Variants in PRRC2B observed in about 807,000 individuals in gnomAD.
PRRC2B encodes protein PRRC2B.
A neutral mutation model predicts 242.3 loss-of-function variants in PRRC2B; 68 were observed. That is an observed-to-expected ratio of 0.28 (90% CI 0.23 to 0.34). The LOEUF (loss-of-function observed/expected upper bound fraction) is 0.34, where lower values mean the gene tolerates loss of function less well. Among genes scored for constraint, PRRC2B ranks in the 10% least tolerant of loss-of-function variants. PRRC2B has a pLI of 1.00. For synonymous variants in PRRC2B, 1,228 were observed against 1,173.6 expected (o/e 1.05, Z -0.95); for missense variants, 2,835 against 2,954.8 (o/e 0.96, Z 0.94).
intron 15 of PRRC2B, among the ~76,000 whole-genome samples, chr9:131,474,188 C>G (rs879590334): frequency 2.0e-5 from 3 of 152,256 alleles, no homozygotes; most frequent in Admixed American, 1.3e-4. Context: ...CCTGCGGCCA[C>G]GACAGTCTTC....
rs373276508 is a variant in PRRC2B, at chr9:131,444,170, C to T, written c.470-15C>T. On this transcript the variant is annotated splice_polypyrimidine_tract_variant and intron_variant, in intron 5 of 31. Transcript: ENST00000683519. ...CCATCTCACTTCCTCCATGTCTACC[C>T]CGTCTTCTTGACAGGTTTAAGGGGC... 1.9e-6 allele frequency: 3 copies of T among 1,613,878 alleles called. No individual in the cohort carries two copies. The highest frequency in any genetic ancestry group is 2.2e-5 in the South Asian group (2 of 91,072).
In PRRC2B at chr9:131,446,528, C is replaced by T. The variant is rs1838806271; in HGVS notation, c.741C>T (p.Thr247=). ...ATGGAGCCCCCTCCTCGGCATGTAC[C>T]AGCGATTCTAAGGACCCCTCTCTCC... ...TGDGAPSSAC[T]SDSKDPSLRP... is the part of the protein sequence containing the mutation. The change falls in exon 7 of 32, where the codon ACC becomes ACT. Residue 247 remains threonine (T), a synonymous_variant. Transcript: ENST00000683519. This position sits in a 1 kb window ranked among gnomAD's most constrained non-coding sequence, Gnocchi z 4.1. 1 of 1,613,898 alleles carries T rather than the reference C, an allele frequency of 6.2e-7. No individual in the cohort carries two copies. The highest frequency in any genetic ancestry group is 8.5e-7 in the Non-Finnish European group (1 of 1,179,862).
In PRRC2B at chr9:131,465,307, A is replaced by G. The variant is rs1450787757; in HGVS notation, c.1720+229A>G. Among the ~76,000 whole-genome samples the G allele has an allele frequency of 6.6e-6, 1 of 152,148 alleles. No homozygotes were observed. Among genetic ancestry groups the G allele is most frequent in the Non-Finnish European group, 1.5e-5 (1 of 68,028 alleles). On this transcript the variant is annotated intron_variant, in intron 12 of 31. Transcript: ENST00000683519. The stretch of plus-strand genomic sequence containing the variant: ...CTTTTACTTTAGTTTCAGGGGGTAC[A>G]TTGTGTGATGCTGAGATTTGGGGTA...
Position 131,432,619 on chromosome 9 carries a change from A to C in PRRC2B, c.118A>C (p.Ile40Leu), listed in dbSNP as rs1023269310. The C allele has an allele frequency of 3.7e-6, 6 of 1,613,400 alleles. No individual in the cohort carries two copies. The African/African-American group carries it at 8.0e-5, about 22-fold the overall frequency. The change falls in exon 3 of 32, where the codon ATT (isoleucine) becomes CTT (leucine). Residue 40 changes from isoleucine (I) to leucine (L), a missense_variant and splice_region_variant. Ile to Leu is a conservative substitution (Grantham distance 5, BLOSUM62 2). Transcript: ENST00000683519. The stretch of plus-strand genomic sequence containing the variant: ...GTTCCATGTCCCTCTCCCTGCAGTT[A>C]TTCCTAGACATGGCTTACAGAGTCT... The part of the protein sequence containing the change: ...KSVDAIRSSV[I>L]PRHGLQSLGK...
At chr9:131,486,394 ACT>A (rs1371597276) in intron 26 of PRRC2B, 2 of 710,250 alleles carry the variant, frequency 2.8e-6, no homozygotes, top group East Asian at 2.7e-4. Context: ...GCTGCTCCAG[ACT>A]CTGCTTAGTT....
Position 131,476,207 on chromosome 9 carries a change from G to A in PRRC2B, c.4078G>A (p.Glu1360Lys), listed in dbSNP as rs1329004550. 3.1e-6 allele frequency: 5 copies of A among 1,613,560 alleles called. No individual in the cohort carries two copies. Among genetic ancestry groups the A allele is most frequent in the Non-Finnish European group, 3.4e-6 (4 of 1,179,828 alleles). The change falls in exon 16 of 32, where the codon GAG (glutamate) becomes AAG (lysine). Residue 1360 changes from glutamate to lysine, a missense_variant. Physicochemically the swap from Glu to Lys is moderately conservative, Grantham distance 56. Transcript: ENST00000683519. ...TGGCACTGTGGGCCGCAGGTCCCCT[G>A]AGCTCTCCTACCAGAACTCCTCCGA... is the stretch of plus-strand genomic sequence containing the variant. The part of the protein sequence containing the change: ...KSGTVGRRSP[E>K]LSYQNSSDHA...
At chr9:131,423,613 C>T (rs1462322489) in intron 1 of PRRC2B, among the ~76,000 whole-genome samples, 1 of 152,232 alleles carries the variant, frequency 6.6e-6, no homozygotes, top group Non-Finnish European at 1.5e-5. Flanking sequence ...GATCTCCTGA[C>T]TGCCGTAAAG....
chr9:131,426,046 C>T (rs1034821334), intron 1 of PRRC2B, among the ~76,000 whole-genome samples: 6 of 151,410 alleles, frequency 4.0e-5, no homozygotes, highest in Non-Finnish European at 8.8e-5. Context: ...TTTAAGAAAT[C>T]ATTCGATGTT....
intron 1 of PRRC2B, among the ~76,000 whole-genome samples, chr9:131,402,495 G>A (rs1383438212): frequency 6.6e-6 from 1 of 152,248 alleles, no homozygotes; most frequent in East Asian, 1.9e-4. Flanking sequence ...TATTCATTCA[G>A]CGACGGGCAG....
chr9:131,415,502 G>A (rs1434294518), intron 1 of PRRC2B, among the ~76,000 whole-genome samples: 1 of 152,230 alleles, frequency 6.6e-6, no homozygotes, highest in African/African-American at 2.4e-5. Context: ...TGCTGGGTAG[G>A]CAGACAGGAG....
Position 131,429,456 on chromosome 9 carries a change from T to C in PRRC2B, c.-51-638T>C, listed in dbSNP as rs1232355609. Among the ~76,000 whole-genome samples, 6 of 152,250 alleles carry C rather than the reference T, an allele frequency of 3.9e-5. No homozygotes were observed. In the East Asian group the frequency reaches 1.2e-3, roughly 29 times the overall value. On this transcript the variant is annotated intron_variant, in intron 1 of 31. Coordinates refer to ENST00000683519, the MANE Select transcript of PRRC2B (RefSeq NM_013318.4). ...CATGTGGTCTCTCCCTTGCTAGCCCTGGGGAGTTCTTGCTTTCTGTTTTCC... is the reference window on the plus strand; with the variant it reads ...CATGTGGTCTCTCCCTTGCTAGCCCCGGGGAGTTCTTGCTTTCTGTTTTCC...
intron 9 of PRRC2B, among the ~76,000 whole-genome samples, chr9:131,449,763 T>G (rs1942851961): frequency 6.6e-6 from 1 of 152,168 alleles, no homozygotes; most frequent in Non-Finnish European, 1.5e-5. Context: ...CAAATTTGGG[T>G]TTTTTTGTGG....
chr9:131,394,314 A>T (rs896593712), intron 1 of PRRC2B, 51 bp downstream of exon 1: 1 of 143,676 alleles, frequency 7.0e-6, no homozygotes, highest in Non-Finnish European at 1.5e-5. Flanking sequence ...CGGCGCTAAG[A>T]TGGAGGCGGC....
At chr9:131,467,949 A>G (rs1324747972) in intron 13 of PRRC2B, among the ~76,000 whole-genome samples, 196 bp downstream of exon 13, 1 of 152,086 alleles carries the variant, frequency 6.6e-6, no homozygotes, top group East Asian at 1.9e-4. Flanking sequence ...CCTGGCCATT[A>G]TTTATTTCTC....
At chr9:131,460,784 C>G (rs1382709515) in intron 11 of PRRC2B, among the ~76,000 whole-genome samples, 1 of 152,102 alleles carries the variant, frequency 6.6e-6, no homozygotes, top group African/African-American at 2.4e-5. Flanking sequence ...CTTCATCTTT[C>G]CCGGATGCAT....
chr9:131,469,569 G>A (rs770941554), intron 13 of PRRC2B, among the ~76,000 whole-genome samples: 14 of 152,178 alleles, frequency 9.2e-5, no homozygotes, highest in Non-Finnish European at 1.5e-4. Context: ...ACTGTCCAGG[G>A]AATCAGCTCA....
rs566118156 is a variant in PRRC2B at position 131,479,116 on chromosome 9, T to C, written c.4759-136T>C. On this transcript the variant is annotated intron_variant, in intron 18 of 31. Transcript: ENST00000683519. ...GGCATCGCAGTTCTGCTTGAGGTTT[T>C]GGGAGACGAGCGTTCCACACATCTC... 5 of 847,534 alleles carry C rather than the reference T, an allele frequency of 5.9e-6. No individual in the cohort carries two copies. In the East Asian group the frequency reaches 1.3e-4, roughly 23 times the overall value. The allele number at this position is 847,534 out of a possible 1,614,324, so 52.5% of individuals were successfully genotyped here.
At chr9:131,430,060 CTT>C (rs112930686) in intron 1 of PRRC2B, 32 bp from the exon 2 acceptor site, 370 of 473,748 alleles carry the variant, frequency 7.8e-4, no homozygotes, top group South Asian at 8.8e-4. Context: ...TTTTCTCTCT[CTT>C]TTTTTTTTTT....
At chr9:131,408,476 T>A (rs1837425471) in intron 1 of PRRC2B, among the ~76,000 whole-genome samples, 1 of 152,198 alleles carries the variant, frequency 6.6e-6, no homozygotes, top group African/African-American at 2.4e-5. Context: ...ATGAGGTAGA[T>A]CACTATGTGT....
Sources: gnomAD v4.1 joint callset for allele counts (sites outside exome capture counted in the v4.1 genomes callset) on GRCh38, gnomAD v4.1.1 for gene constraint, Gnocchi (gnomAD v3.1) non-coding constraint, MANE v1.5 for transcripts, NCBI Gene and HGNC (gene_info 2026-07-23, HGNC 2026-07-21) for gene names.